The following TNS3 variants were observed in gnomAD, a reference collection of about 807,000 sequenced individuals.
The protein encoded by TNS3 is tensin-3.
TNS3 carries 45 observed loss-of-function variants against 140.9 expected under a neutral mutation model. The ratio of observed to expected loss-of-function variants is 0.32; its 90% confidence interval spans 0.25 to 0.41. The LOEUF (loss-of-function observed/expected upper bound fraction) is 0.41, where lower values mean the gene tolerates loss of function less well. Among genes scored for constraint, TNS3 ranks in the 10% least tolerant of loss-of-function variants. The pLI, the probability that TNS3 is intolerant of heterozygous loss-of-function variation, is 1.00. For missense variants in TNS3, 1,716 were observed against 1,906.7 expected (o/e 0.90, Z 1.86); for synonymous variants, 815 against 788.4 (o/e 1.03, Z -0.56).
At chr7:47,330,587 C>G (rs1392805785) in intron 20 of TNS3, among the ~76,000 whole-genome samples, 10 of 151,884 alleles carry the variant, frequency 6.6e-5, no homozygotes, top group Non-Finnish European at 1.5e-4. Context: ...AGCGAGGCAG[C>G]AGAAACAAAA....
chr7:47,363,230 C>T, intron 17 of TNS3, among the ~76,000 whole-genome samples: 2 of 149,600 alleles, frequency 1.3e-5, no homozygotes, highest in Middle Eastern at 3.5e-3. Context: ...ACCATCATTA[C>T]AATCAACACC....
intron 8 of TNS3, among the ~76,000 whole-genome samples, chr7:47,430,213 C>T (rs1794862588): frequency 6.6e-6 from 1 of 151,588 alleles, no homozygotes; most frequent in African/African-American, 2.4e-5. Context: ...ACGGCAACCT[C>T]CACCTCCCGA....
At chr7:47,349,614 C>G (rs1242223270) in intron 17 of TNS3, among the ~76,000 whole-genome samples, 1 of 152,246 alleles carries the variant, frequency 6.6e-6, no homozygotes, top group Non-Finnish European at 1.5e-5. Flanking sequence ...GCTTTCCATT[C>G]CCAAAAGGGA....
chr7:47,292,016 T>C lies in TNS3; in HGVS notation c.3867A>G (p.Ile1289Met), dbSNP rs1785734262. The change falls in exon 27 of 31, where the codon ATA (isoleucine) becomes ATG (methionine). Residue 1289 changes from isoleucine (I) to methionine (M), a missense_variant. Ile to Met is a conservative substitution (Grantham distance 10). Coordinates refer to ENST00000311160, the MANE Select transcript of TNS3 (RefSeq NM_022748.12). Reference sequence around the variant, plus strand: ...CTGCCGTCTGGGGAGAACTTTCTGCTATTTCCTCCAATGGATCTGTAGGAA... The same window carrying C: ...CTGCCGTCTGGGGAGAACTTTCTGCCATTTCCTCCAATGGATCTGTAGGAA... ...LIPERDPLEE[I>M]AESSPQTAAN... The C allele has an allele frequency of 6.2e-7, 1 of 1,614,152 alleles. No homozygotes were observed.
intron 9 of TNS3, among the ~76,000 whole-genome samples, chr7:47,426,891 C>T (rs543065439): frequency 5.9e-5 from 9 of 152,090 alleles, no homozygotes; most frequent in South Asian, 2.1e-4. Flanking sequence ...TTTGGCAGGC[C>T]GAGGTGAGTG....
intron 20 of TNS3, among the ~76,000 whole-genome samples, chr7:47,305,556 C>G (rs1786701673): frequency 6.6e-6 from 1 of 152,236 alleles, no homozygotes; most frequent in Admixed American, 6.5e-5. Context: ...CAACATCGAG[C>G]ACTATGAGGG....
At position 47,563,502 on chromosome 7, in the gene TNS3, C is replaced by G. The variant is rs144249140; in HGVS notation, c.-265+18549G>C. On this transcript the variant is annotated intron_variant, in intron 1 of 30. Transcript: ENST00000311160. ...AAGACTGAGTGCCCAACCTCTGAAG[C>G]CAGGATGCTCATTCCCTCTGGAGGA... 1.2e-4 allele frequency among the ~76,000 whole-genome samples: 19 copies of G among 152,278 alleles called. No homozygotes were observed. In the East Asian group the frequency reaches 3.7e-3, roughly 29 times the overall value.
rs1454236982 is a variant in TNS3 at position 47,275,472 on chromosome 7, A to G, written c.*2604T>C. ...CACAGTTCGTGAACTCTCCGCATTT[A>G]CTCCCCAGGGCAGTACGTGCCTGTC... On this transcript the variant is annotated 3_prime_UTR_variant, in exon 31 of 31. Transcript: ENST00000311160. The G allele has an allele frequency of 8.9e-6, 2 of 225,910 alleles. No individual in the cohort carries two copies. Among genetic ancestry groups the G allele is most frequent in the South Asian group, 6.2e-5 (1 of 16,096 alleles). 14.0% of individuals were successfully genotyped at this position (225,910 alleles called of 1,614,324 possible). A position where few individuals can be genotyped will look rare whatever the true frequency, so the allele number is the denominator to read the frequency against.
chr7:47,567,892 G>T (rs1054618990), intron 1 of TNS3, among the ~76,000 whole-genome samples: 5 of 152,132 alleles, frequency 3.3e-5, no homozygotes, highest in African/African-American at 1.2e-4. Flanking sequence ...AGGTAACATC[G>T]ATCAGTAATA....
chr7:47,313,674 C>G (rs903463123), intron 20 of TNS3, among the ~76,000 whole-genome samples: 3 of 152,136 alleles, frequency 2.0e-5, no homozygotes, highest in African/African-American at 7.2e-5. Flanking sequence ...TTACAGAGTC[C>G]CCGTGCCTCA....
intron 21 of TNS3, among the ~76,000 whole-genome samples, 170 bp from the exon 22 acceptor site, chr7:47,303,754 C>A (rs1786569157): frequency 6.6e-6 from 1 of 152,206 alleles, no homozygotes; most frequent in Non-Finnish European, 1.5e-5. Flanking sequence ...CCTCTCTGAG[C>A]TCACGCTGCC....
chr7:47,389,308 C>CCCT (rs140267691), intron 16 of TNS3, among the ~76,000 whole-genome samples: 28,436 of 152,068 alleles, frequency 0.19, 3,518 homozygotes, highest in Non-Finnish European at 0.28. Context: ...ATCGGGGGTA[C>CCCT]CCTTCCTCCC....
chr7:47,560,779 G>T (rs575807052), intron 1 of TNS3, among the ~76,000 whole-genome samples: 1 of 152,278 alleles, frequency 6.6e-6, no homozygotes, highest in Admixed American at 6.5e-5. Flanking sequence ...GGGGACTTGG[G>T]AATGTCCTGG....
chr7:47,393,543 C>T (rs888721797), intron 16 of TNS3, among the ~76,000 whole-genome samples: 5 of 152,116 alleles, frequency 3.3e-5, no homozygotes, highest in African/African-American at 7.2e-5. Context: ...GTCCTGAGCT[C>T]GCTCTGAGTC....
chr7:47,388,542 T>C (rs1792206551), intron 16 of TNS3, among the ~76,000 whole-genome samples: 1 of 151,900 alleles, frequency 6.6e-6, no homozygotes, highest in Admixed American at 6.6e-5. Flanking sequence ...TGAAAAGAGA[T>C]TAAGAAGCAC....
At chr7:47,432,785 T>C (rs1794986906) in intron 8 of TNS3, among the ~76,000 whole-genome samples, 1 of 152,200 alleles carries the variant, frequency 6.6e-6, no homozygotes, top group African/African-American at 2.4e-5. Flanking sequence ...TAGGACATCT[T>C]CATATAATGT....
chr7:47,483,720 A>G (rs1797510456), intron 3 of TNS3, among the ~76,000 whole-genome samples: 1 of 152,178 alleles, frequency 6.6e-6, no homozygotes, highest in Non-Finnish European at 1.5e-5. Flanking sequence ...GCCTGGCCCC[A>G]GGGTGTCCTA....
chr7:47,500,732 CAACA>C (rs1359422934), intron 3 of TNS3, among the ~76,000 whole-genome samples: 1 of 152,146 alleles, frequency 6.6e-6, no homozygotes, highest in East Asian at 1.9e-4. Flanking sequence ...AACTCACAAA[CAACA>C]AAAGAGCTTT....
intron 20 of TNS3, among the ~76,000 whole-genome samples, chr7:47,339,302 A>G (rs1006645510): frequency 1.3e-5 from 2 of 152,262 alleles, no homozygotes; most frequent in Non-Finnish European, 2.9e-5. Flanking sequence ...ATTTTCTCCC[A>G]TTTTAAAAAA....
Sources: gnomAD v4.1 joint callset for allele counts (sites outside exome capture counted in the v4.1 genomes callset) on GRCh38, gnomAD v4.1.1 for gene constraint, MANE v1.5 for transcripts, NCBI Gene and HGNC (gene_info 2026-07-23, HGNC 2026-07-21) for gene names.